Variants in COP1 observed in about 807,000 individuals in gnomAD.
COP1 encodes COP1 E3 ubiquitin ligase.
In COP1, 24 loss-of-function variants were observed where a neutral mutation model predicts 101.3. That is an observed-to-expected ratio of 0.24 (90% CI 0.17 to 0.33). The LOEUF is 0.33. Ranked by LOEUF, COP1 falls within the 10% of genes least tolerant of loss-of-function variation. The pLI, the probability that COP1 is intolerant of heterozygous loss-of-function variation, is 1.00. For missense variants in COP1, 663 were observed against 906.2 expected (o/e 0.73, Z 3.45); for synonymous variants, 347 against 341.9 (o/e 1.01, Z -0.17).
At chr1:175,959,361 T>C (rs1340501171) in intron 18 of COP1, among the ~76,000 whole-genome samples, 1 of 152,082 alleles carries the variant, frequency 6.6e-6, no homozygotes, top group Admixed American at 6.5e-5. Flanking sequence ...AATGATAACA[T>C]CTTTAAAAGC....
At chr1:175,985,736 T>A (rs28574875) in intron 18 of COP1, among the ~76,000 whole-genome samples, 35 of 152,198 alleles carry the variant, frequency 2.3e-4, no homozygotes, top group Admixed American at 5.9e-4. Flanking sequence ...GTTCTTTTTT[T>A]AAAAATACAT....
intron 18 of COP1, among the ~76,000 whole-genome samples, chr1:175,954,417 A>G (rs892428233): frequency 6.6e-6 from 1 of 152,158 alleles, no homozygotes; most frequent in Admixed American, 6.5e-5. Context: ...ACAGTCATGA[A>G]GAGCAGAAAT....
chr1:175,958,637 A>G (rs1650967591), intron 18 of COP1, among the ~76,000 whole-genome samples: 1 of 151,332 alleles, frequency 6.6e-6, no homozygotes, highest in Non-Finnish European at 1.5e-5. Context: ...AATGTTAAGC[A>G]TTACGTTAAA....
intron 18 of COP1, among the ~76,000 whole-genome samples, chr1:175,954,878 A>G (rs1650411292): frequency 6.6e-6 from 1 of 152,194 alleles, no homozygotes; most frequent in Admixed American, 6.5e-5. Context: ...ATAATGCATC[A>G]TGTCTAAATG....
At chr1:176,057,520 G>T (rs1673792769) in intron 11 of COP1, among the ~76,000 whole-genome samples, 1 of 152,184 alleles carries the variant, frequency 6.6e-6, no homozygotes, top group African/African-American at 2.4e-5. Flanking sequence ...TTTTTTTGGT[G>T]GAGACGGGGT....
chr1:176,197,357 T>C (rs955956203), intron 1 of COP1, among the ~76,000 whole-genome samples: 1 of 152,162 alleles, frequency 6.6e-6, no homozygotes, highest in African/African-American at 2.4e-5. Context: ...GAGGATGCAG[T>C]AAGCAGTGTG....
At chr1:176,175,805 A>C (rs1034257208) in intron 3 of COP1, 105 bp downstream of exon 3, 1 of 613,510 alleles carries the variant, frequency 1.6e-6, no homozygotes, top group Non-Finnish European at 2.9e-6. Context: ...TACAGTAGAG[A>C]GAGACTTGCT....
rs779656578 is a variant in COP1 at position 176,135,117 on chromosome 1, A to C, written c.892-31T>G. Reference sequence around the variant, plus strand: ...AATAAAATTATTTGAATTATAGTAGATATTTCAAATAGAAGATATATAAAT... The same window carrying C: ...AATAAAATTATTTGAATTATAGTAGCTATTTCAAATAGAAGATATATAAAT... On this transcript the variant is annotated intron_variant, in intron 7 of 19. Transcript: ENST00000367669. 2.2e-6 allele frequency: 3 copies of C among 1,365,446 alleles called. No homozygotes were observed. The South Asian group carries it at 3.6e-5, about 17-fold the overall frequency. The allele number at this position is 1,365,446 out of a possible 1,614,324, so 84.6% of individuals were successfully genotyped here. A position where few individuals can be genotyped will look rare whatever the true frequency, so the allele number is the denominator to read the frequency against.
At chr1:176,011,355 A>G (rs1393945458) in intron 15 of COP1, among the ~76,000 whole-genome samples, 2 of 152,202 alleles carry the variant, frequency 1.3e-5, no homozygotes, top group Non-Finnish European at 2.9e-5. Flanking sequence ...AACTAAACCA[A>G]TGAATAATCT....
chr1:175,955,782 AC>A (rs1650566504), intron 18 of COP1, among the ~76,000 whole-genome samples: 1 of 151,264 alleles, frequency 6.6e-6, no homozygotes. Context: ...ACACACACAC[AC>A]ACACACACAC....
At chr1:175,985,976 AAT>A (rs373787922) in intron 18 of COP1, among the ~76,000 whole-genome samples, 90 of 152,350 alleles carry the variant, frequency 5.9e-4, no homozygotes, top group African/African-American at 2.0e-3. Context: ...CTATTTTAAA[AAT>A]ATGATACTAA....
chr1:175,962,025 G>T (rs996811071), intron 18 of COP1, among the ~76,000 whole-genome samples: 6 of 152,160 alleles, frequency 3.9e-5, no homozygotes, highest in Admixed American at 2.0e-4. Context: ...GCATACCAGG[G>T]TTAGAAAATA....
At chr1:175,998,086 A>AGG (rs1660683039) in intron 15 of COP1, among the ~76,000 whole-genome samples, 2 of 123,808 alleles carry the variant, frequency 1.6e-5, no homozygotes, top group Non-Finnish European at 3.7e-5. Flanking sequence ...AAAAAAAAAA[A>AGG]AAAAGAAAAT....
chr1:176,008,081 T>C (rs1031956225), intron 15 of COP1, among the ~76,000 whole-genome samples: 3 of 152,152 alleles, frequency 2.0e-5, no homozygotes, highest in Admixed American at 6.5e-5. Context: ...AAAAGCGCAG[T>C]ATTTGGGTGG....
intron 15 of COP1, among the ~76,000 whole-genome samples, chr1:175,990,768 C>T (rs569817558): frequency 1.3e-5 from 2 of 152,084 alleles, no homozygotes; most frequent in East Asian, 1.9e-4. Context: ...ATATTCTGTT[C>T]GACCTAAATA....
chr1:176,185,739 G>A (rs535363165), intron 1 of COP1, among the ~76,000 whole-genome samples: 39 of 152,336 alleles, frequency 2.6e-4, no homozygotes, highest in Non-Finnish European at 4.4e-4. Flanking sequence ...AAATCCTTGA[G>A]CAGCTGCATC....
chr1:176,085,370 C>T lies in COP1; in HGVS notation c.1141+406G>A, dbSNP rs146393422. On this transcript the variant is annotated intron_variant, in intron 10 of 19. Transcript: ENST00000367669. ...CACAGAACTGTTTATCTGTTGCTTT[C>T]CCTGACTCGATTTACAACACTCCTT... Among the ~76,000 whole-genome samples the T allele has an allele frequency of 2.6e-3, 399 of 152,174 alleles. 3 individuals are homozygous for T. The highest frequency in any genetic ancestry group is 9.2e-3 in the African/African-American group (381 of 41,522).
rs909851641 is a variant in COP1, at chr1:176,207,106, G to A, written c.-128C>T. On this transcript the variant is annotated 5_prime_UTR_variant, in exon 1 of 20. Transcript: ENST00000367669. ...CCGCCGAGCCGGAGGTGGGGCTGAGGAACAATAAAGTTGCGTTTTTTTTTA... is the reference window on the plus strand; with the variant it reads ...CCGCCGAGCCGGAGGTGGGGCTGAGAAACAATAAAGTTGCGTTTTTTTTTA... 9.9e-6 allele frequency: 7 copies of A among 709,270 alleles called. No individual in the cohort carries two copies. Among genetic ancestry groups the A allele is most frequent in the African/African-American group, 9.4e-5 (5 of 53,170 alleles). 43.9% of individuals were successfully genotyped at this position (709,270 alleles called of 1,614,324 possible).
At chr1:176,164,027 T>C in intron 3 of COP1, 136 bp from the exon 4 acceptor site, 1 of 521,540 alleles carries the variant, frequency 1.9e-6, no homozygotes, top group East Asian at 3.1e-5. Context: ...ACAGAAAGTG[T>C]TAGCTTTTTA....
Sources: gnomAD v4.1 joint callset for allele counts (sites outside exome capture counted in the v4.1 genomes callset) on GRCh38, gnomAD v4.1.1 for gene constraint, MANE v1.5 for transcripts, NCBI Gene and HGNC (gene_info 2026-07-23, HGNC 2026-07-21) for gene names.